The following LHFPL6 variants were observed in gnomAD, a reference collection of about 807,000 sequenced individuals.
The protein encoded by LHFPL6 is LHFPL tetraspan subfamily member 6 protein.
LHFPL6 carries 9 observed loss-of-function variants against 20.6 expected under a neutral mutation model. The ratio of observed to expected loss-of-function variants is 0.44; its 90% CI spans 0.26 to 0.76. The LOEUF is 0.76. Among genes scored for constraint, LHFPL6 ranks in the 30% least tolerant of loss-of-function variants. LHFPL6 has a pLI of 0.20. For synonymous variants in LHFPL6, 105 were observed against 98.7 expected, an observed-to-expected ratio of 1.06 and a Z score of -0.38; for missense variants, 218 against 253.5, an observed-to-expected ratio of 0.86 and a Z score of 0.95.
At chr13:39,573,843 CTTGAAATATTTTTCCTCTGTTTATTATTT>C (rs1872013319) in intron 2 of LHFPL6, among the ~76,000 whole-genome samples, 1 of 151,984 alleles carries the variant, frequency 6.6e-6, no homozygotes, top group Non-Finnish European at 1.5e-5. Flanking sequence ...AAAAAGGAAG[CTTGAAATATTTTTCCTCTGTTTATTATTT>C]TTGAAATATT....
intron 2 of LHFPL6, among the ~76,000 whole-genome samples, chr13:39,516,729 C>G (rs950509168): frequency 6.6e-6 from 1 of 152,036 alleles, no homozygotes; most frequent in African/African-American, 2.4e-5. Context: ...ATTAGCCAAA[C>G]AGTAAAGCTG....
At chr13:39,518,148 G>A (rs1291757987) in intron 2 of LHFPL6, among the ~76,000 whole-genome samples, 1 of 150,670 alleles carries the variant, frequency 6.6e-6, no homozygotes, top group Non-Finnish European at 1.5e-5. Context: ...CTTTCGAATA[G>A]CGACGCTCAA....
chr13:39,396,526 T>C (rs1240498884), intron 2 of LHFPL6, among the ~76,000 whole-genome samples: 1 of 152,144 alleles, frequency 6.6e-6, no homozygotes, highest in East Asian at 1.9e-4. Flanking sequence ...CTGGGTGCAG[T>C]GGCTCACACC....
chr13:39,547,084 C>A (rs1385499871), intron 2 of LHFPL6, among the ~76,000 whole-genome samples: 5 of 152,076 alleles, frequency 3.3e-5, no homozygotes, highest in Admixed American at 6.5e-5. Context: ...TCCACAAATT[C>A]TATTTCCCAC....
intron 2 of LHFPL6, among the ~76,000 whole-genome samples, chr13:39,532,008 C>T (rs1313984648): frequency 6.6e-6 from 1 of 152,130 alleles, no homozygotes; most frequent in Non-Finnish European, 1.5e-5. Context: ...CCAAAAGCCA[C>T]ATTTCAGCTG....
chr13:39,389,206 C>T (rs1870644516), intron 2 of LHFPL6, among the ~76,000 whole-genome samples: 1 of 152,106 alleles, frequency 6.6e-6, no homozygotes, highest in Non-Finnish European at 1.5e-5. Context: ...CTAATTAATA[C>T]ACAGCTTCTA....
rs538477601 is a variant in LHFPL6 at position 39,485,524 on chromosome 13, C to G, written c.386-106998G>C. Among the ~76,000 whole-genome samples the G allele has an allele frequency of 3.3e-5, 5 of 152,128 alleles. No individual in the cohort carries two copies. In the East Asian group the frequency reaches 9.7e-4, roughly 29 times the overall value. ...AGTTCAGTTTGTTGCTTACTAGAGC[C>G]CTGATAGAATTCTGGTAAATGCAAG... On this transcript the variant is annotated intron_variant, in intron 2 of 3. Coordinates refer to ENST00000379589, the MANE Select transcript of LHFPL6 (RefSeq NM_005780.3).
intron 3 of LHFPL6, among the ~76,000 whole-genome samples, chr13:39,373,013 C>A (rs902455533): frequency 1.3e-5 from 2 of 152,128 alleles, no homozygotes; most frequent in Admixed American, 1.3e-4. Context: ...AGACTCAAAC[C>A]CTTTACCTAC....
chr13:39,590,543 G>A (rs1467125167), intron 2 of LHFPL6, among the ~76,000 whole-genome samples: 2 of 152,206 alleles, frequency 1.3e-5, no homozygotes, highest in Non-Finnish European at 2.9e-5. Context: ...AAAGTTTTGA[G>A]TTGCTGCTTT....
At chr13:39,519,585 A>G (rs560429976) in intron 2 of LHFPL6, among the ~76,000 whole-genome samples, 24 of 152,352 alleles carry the variant, frequency 1.6e-4, no homozygotes, top group Non-Finnish European at 3.2e-4. Context: ...AAAATCTTCA[A>G]TTATTGAACA....
intron 2 of LHFPL6, among the ~76,000 whole-genome samples, chr13:39,501,520 T>C (rs1200068904): frequency 6.6e-6 from 1 of 152,124 alleles, no homozygotes; most frequent in Non-Finnish European, 1.5e-5. Context: ...CCTTCCCCCC[T>C]AACAATTATT....
chr13:39,515,122 C>T (rs1869863603), intron 2 of LHFPL6, among the ~76,000 whole-genome samples: 1 of 152,232 alleles, frequency 6.6e-6, no homozygotes, highest in Non-Finnish European at 1.5e-5. Context: ...AACAGCTCTG[C>T]CCACTTCACC....
At chr13:39,438,215 C>T (rs78456293) in intron 2 of LHFPL6, among the ~76,000 whole-genome samples, 168 of 152,300 alleles carry the variant, frequency 1.1e-3, no homozygotes, top group African/African-American at 3.9e-3. Flanking sequence ...AGCCTGGCTG[C>T]ATTGTGCCCC....
At chr13:39,470,102 T>A (rs560088643) in intron 2 of LHFPL6, among the ~76,000 whole-genome samples, 35 of 152,072 alleles carry the variant, frequency 2.3e-4, no homozygotes, top group African/African-American at 4.1e-4. Context: ...GCTTAAAAAA[T>A]ATATATATAT....
chr13:39,458,541 A>G (rs984380435), intron 2 of LHFPL6, among the ~76,000 whole-genome samples: 2 of 152,110 alleles, frequency 1.3e-5, no homozygotes, highest in African/African-American at 4.8e-5. Flanking sequence ...TACAAAAAAT[A>G]CAAAAAAATG....
Position 39,446,685 on chromosome 13 carries a change from A to G in LHFPL6, c.386-68159T>C, listed in dbSNP as rs199858911. ...AAACTAAGATTTAGGAAAGTAAACC[A>G]TATTGCCCAAAGTACTCTAGTTAAG... On this transcript the variant is annotated intron_variant, in intron 2 of 3. Transcript: ENST00000379589. Among the ~76,000 whole-genome samples the G allele has an allele frequency of 3.4e-5, 4 of 118,510 alleles. No individual in the cohort carries two copies. In the East Asian group the frequency reaches 2.6e-3, roughly 76 times the overall value. 77.7% of individuals were successfully genotyped at this position (118,510 alleles called of 152,430 possible).
intron 2 of LHFPL6, among the ~76,000 whole-genome samples, chr13:39,542,361 G>A (rs144506639): frequency 9.5e-4 from 145 of 152,272 alleles, no homozygotes; most frequent in African/African-American, 2.9e-3. Flanking sequence ...CGTTGGAAAT[G>A]TGGCCACACG....
intron 2 of LHFPL6, among the ~76,000 whole-genome samples, chr13:39,547,163 A>G (rs1046356428): frequency 2.6e-5 from 4 of 152,080 alleles, no homozygotes; most frequent in African/African-American, 9.7e-5. Flanking sequence ...TGCCCTGGCT[A>G]AATTTTACTA....
intron 2 of LHFPL6, among the ~76,000 whole-genome samples, chr13:39,452,171 T>TCC (rs983797122): frequency 6.6e-6 from 1 of 151,298 alleles, no homozygotes; most frequent in African/African-American, 2.4e-5. Flanking sequence ...CTGGTCCCAC[T>TCC]CCCCACTGGG....
Sources: gnomAD v4.1 joint callset for allele counts (sites outside exome capture counted in the v4.1 genomes callset) on GRCh38, gnomAD v4.1.1 for gene constraint, MANE v1.5 for transcripts, NCBI Gene and HGNC (gene_info 2026-07-23, HGNC 2026-07-21) for gene names.